Variants in FKBP9 observed in about 807,000 individuals in gnomAD.
The protein encoded by FKBP9 is FKBP prolyl isomerase 9.
In FKBP9, 27 loss-of-function variants were observed where a neutral mutation model predicts 55.6. That is an observed-to-expected ratio of 0.49 (90% CI 0.36 to 0.67). The LOEUF is 0.67. FKBP9 is among the 30% of genes least tolerant of loss of function. The probability of loss-of-function intolerance (pLI) is 0.00; values close to 1 mark genes in which losing one functional copy is unlikely to be tolerated. For synonymous variants in FKBP9, 267 were observed against 296.5 expected, an observed-to-expected ratio of 0.90 and a Z score of 1.02; for missense variants, 539 against 742.8, an observed-to-expected ratio of 0.73 and a Z score of 3.19.
Position 33,006,187 on chromosome 7 carries a change from G to A in FKBP9, c.*836G>A, listed in dbSNP as rs1452935322. ...TCTCGGCTCACTGCAGCACTGTCTC[G>A]GCTCACTGCAGCCTCCGCCTCCCGT... On this transcript the variant is annotated 3_prime_UTR_variant, in exon 10 of 10. Transcript: ENST00000242209. 8.9e-5 allele frequency: 17 copies of A among 191,346 alleles called. No homozygotes were observed. The highest frequency in any genetic ancestry group is 1.2e-4 in the African/African-American group (5 of 40,236). The allele number at this position is 191,346 out of a possible 1,614,324, so 11.9% of individuals were successfully genotyped here.
In FKBP9 at chr7:32,988,546, G is replaced by T; in HGVS notation, c.933G>T (p.Gln311His). The change falls in exon 6 of 10, where the codon CAG (glutamine) becomes CAT (histidine). Residue 311 changes from glutamine to histidine, a missense_variant. Gln to His is a conservative substitution (Grantham distance 24). Transcript: ENST00000242209. ...GCACGTTTGACACGTACATTGGGCA[G>T]GGCTACGTGATTCCTGGGATGGATG... Reference protein sequence around the residue: ...RNRTFDTYIGQGYVIPGMDEG... With the variant: ...RNRTFDTYIGHGYVIPGMDEG... The T allele has an allele frequency of 1.9e-6, 3 of 1,613,868 alleles. No homozygotes were observed. The highest frequency in any genetic ancestry group is 2.5e-6 in the Non-Finnish European group (3 of 1,179,828).
intron 5 of FKBP9, among the ~76,000 whole-genome samples, chr7:32,988,218 C>T (rs935594891): frequency 5.3e-5 from 8 of 152,192 alleles, no homozygotes; most frequent in African/African-American, 1.9e-4. Flanking sequence ...TTTACATTAG[C>T]TCCATTTCTG....
chr7:32,988,594 T>C lies in FKBP9; in HGVS notation c.981T>C (p.Ile327=), dbSNP rs1374190061. The change falls in exon 6 of 10, where the codon ATT becomes ATC. Residue 327 remains isoleucine (I), a synonymous_variant. Coordinates refer to ENST00000242209, the MANE Select transcript of FKBP9 (RefSeq NM_007270.5). ...ATGAAGGTCTACTTGGTGTTTGCAT[T>C]GGAGAAAAGCGAAGGATTGTGGTCC... is the stretch of plus-strand genomic sequence containing the variant. ...GMDEGLLGVC[I]GEKRRIVVPP... 6.2e-7 allele frequency: 1 copy of C among 1,613,950 alleles called. No homozygotes were observed. The highest frequency in any genetic ancestry group is 1.7e-5 in the Admixed American group (1 of 60,004).
At position 33,005,342 on chromosome 7, in the gene FKBP9, T is replaced by A. The variant is rs763800298; in HGVS notation, c.1704T>A (p.Asp568Glu). The A allele has an allele frequency of 4.6e-5, 74 of 1,614,050 alleles. No homozygotes were observed. In the East Asian group the frequency reaches 1.6e-3, roughly 35 times the overall value. ...FKLKDQEAKH[D>E]EL ...TCAAAGACCAGGAAGCCAAACACGA[T>A]GAACTCTAAACCTGGCATGAACCAG... Residue 568 changes from aspartate (D) to glutamate (E), a missense_variant, in exon 10 of 10, where the codon GAT becomes GAA. Asp to Glu is a conservative substitution (Grantham distance 45). Transcript: ENST00000242209.
At chr7:32,990,452 G>A (rs555479859) in intron 6 of FKBP9, among the ~76,000 whole-genome samples, 2 of 152,270 alleles carry the variant, frequency 1.3e-5, no homozygotes, top group East Asian at 1.9e-4. Context: ...ATCCGTTTGC[G>A]TTGTTTTAAG....
chr7:32,983,314 G>T lies in FKBP9; in HGVS notation c.893+2761G>T, dbSNP rs187348285. On this transcript the variant is annotated intron_variant, in intron 5 of 9. Transcript: ENST00000242209. ...GTTGAGATTATAGGTGTGAGCCACT[G>T]CGCCCTGCCTTTTTTTTTGAGACAG... 2.3e-3 allele frequency among the ~76,000 whole-genome samples: 352 copies of T among 151,694 alleles called. 2 individuals are homozygous for T. The highest frequency in any genetic ancestry group is 8.4e-3 in the African/African-American group (346 of 41,304).
intron 1 of FKBP9, among the ~76,000 whole-genome samples, chr7:32,970,953 C>T (rs55881735): frequency 0.14 from 20,649 of 148,970 alleles, 1,504 homozygotes; most frequent in Middle Eastern, 0.26. Flanking sequence ...GCATCTTTTC[C>T]TTGTTCCCAA....
chr7:32,979,684 A>G, intron 4 of FKBP9: 1 of 847,822 alleles, frequency 1.2e-6, no homozygotes, highest in East Asian at 2.6e-5. Flanking sequence ...AGGAAGAACT[A>G]GTGTCCTGTA....
At chr7:32,975,431 T>C in intron 3 of FKBP9, 60 bp downstream of exon 3, 1 of 1,410,058 alleles carries the variant, frequency 7.1e-7, no homozygotes. Flanking sequence ...TCTTTCCTTC[T>C]GTCTTACTTG....
intron 6 of FKBP9, among the ~76,000 whole-genome samples, chr7:32,990,312 C>T (rs1400336992): frequency 1.3e-5 from 2 of 152,080 alleles, no homozygotes; most frequent in African/African-American, 4.8e-5. Context: ...GAAGGAGGAC[C>T]CTGTCAGGGA....
chr7:32,984,927 T>C (rs1296586440), intron 5 of FKBP9, among the ~76,000 whole-genome samples: 1 of 152,228 alleles, frequency 6.6e-6, no homozygotes, highest in Non-Finnish European at 1.5e-5. Context: ...CTTTACCTTC[T>C]ATCTATTCCT....
intron 8 of FKBP9, among the ~76,000 whole-genome samples, chr7:33,001,042 A>C (rs1730705491): frequency 6.7e-6 from 1 of 150,326 alleles, no homozygotes; most frequent in Non-Finnish European, 1.5e-5. Context: ...CTCCCAAAGC[A>C]CTGGGATTAT....
chr7:32,984,115 A>G (rs1393013332), intron 5 of FKBP9, among the ~76,000 whole-genome samples: 1 of 152,188 alleles, frequency 6.6e-6, no homozygotes, highest in Non-Finnish European at 1.5e-5. Context: ...GACTTGTTAC[A>G]AAGTCTGTCC....
chr7:32,984,380 T>C (rs1272526490), intron 5 of FKBP9, among the ~76,000 whole-genome samples: 2 of 152,084 alleles, frequency 1.3e-5, no homozygotes, highest in Non-Finnish European at 2.9e-5. Flanking sequence ...ACTACAGGTG[T>C]GCACCATCAC....
chr7:32,972,977 C>T (rs972346569), intron 1 of FKBP9, among the ~76,000 whole-genome samples: 4 of 152,194 alleles, frequency 2.6e-5, no homozygotes, highest in Non-Finnish European at 4.4e-5. Context: ...CGTCCTTGGC[C>T]TCCCAAAGTG....
intron 7 of FKBP9, among the ~76,000 whole-genome samples, chr7:32,999,054 G>A (rs895525670): frequency 3.3e-5 from 5 of 152,224 alleles, no homozygotes; most frequent in Admixed American, 2.0e-4. Context: ...AGTAGCCCCA[G>A]AGAAAGGCAG....
chr7:32,962,565 C>G (rs1327258411), intron 1 of FKBP9, among the ~76,000 whole-genome samples: 2 of 151,790 alleles, frequency 1.3e-5, no homozygotes, highest in African/African-American at 4.8e-5. Context: ...CCTCTGCTTC[C>G]TGGGTTCAAG....
At chr7:32,992,233 C>T (rs1293384828) in intron 6 of FKBP9, among the ~76,000 whole-genome samples, 1 of 151,844 alleles carries the variant, frequency 6.6e-6, no homozygotes, top group Non-Finnish European at 1.5e-5. Flanking sequence ...AGAGGAAACC[C>T]ACTCCCCTCA....
At chr7:32,978,038 C>A (rs1784400521) in intron 4 of FKBP9, among the ~76,000 whole-genome samples, 1 of 151,332 alleles carries the variant, frequency 6.6e-6, no homozygotes, top group Non-Finnish European at 1.5e-5. Flanking sequence ...TCTCCTGCCT[C>A]AGCCTCCTGG....
Sources: allele counts gnomAD v4.1 joint callset (sites outside exome capture counted in the v4.1 genomes callset), GRCh38; gene constraint gnomAD v4.1.1; transcripts MANE v1.5; gene names NCBI Gene and HGNC (gene_info 2026-07-23, HGNC 2026-07-21).